The following C10orf143 variants were observed in gnomAD, a reference collection of about 807,000 sequenced individuals.
C10orf143 encodes uncharacterized protein C10orf143.
chr10:130,086,017 A>C (rs1861285850), intron 1 of C10orf143, among the ~76,000 whole-genome samples: 2 of 152,202 alleles, frequency 1.3e-5, no homozygotes, highest in Admixed American at 6.5e-5. Context: ...ATTCCATTTC[A>C]AAGATGTTCT....
intron 1 of C10orf143, among the ~76,000 whole-genome samples, 151 bp from the exon 2 acceptor site, chr10:130,080,052 T>A (rs1021525278): frequency 3.3e-5 from 5 of 152,248 alleles, no homozygotes; most frequent in African/African-American, 1.2e-4. Context: ...TTAAACTTTA[T>A]CTTTTCAGAA....
intron 1 of C10orf143, among the ~76,000 whole-genome samples, chr10:130,092,419 T>A (rs1210465629): frequency 1.3e-5 from 2 of 152,050 alleles, no homozygotes; most frequent in African/African-American, 4.8e-5. Flanking sequence ...GAGGGAAGCA[T>A]TAAATATGGA....
chr10:130,095,803 T>C (rs1861453167), intron 1 of C10orf143, among the ~76,000 whole-genome samples: 2 of 152,158 alleles, frequency 1.3e-5, no homozygotes, highest in African/African-American at 4.8e-5. Context: ...CAAGATGGAT[T>C]AAAGACTTAA....
In C10orf143 at chr10:130,080,179, C is replaced by A. The variant is rs184489815; in HGVS notation, c.70-278G>T. 3.7e-3 allele frequency among the ~76,000 whole-genome samples: 567 copies of A among 152,272 alleles called. 1 individual carries two copies. Among genetic ancestry groups the A allele is most frequent in the Middle Eastern group, 6.8e-3 (2 of 294 alleles). ...TTTTGGCTGAAACTCTTGTAATAAA[C>A]TATGGTGACTGGTTTATTGATATTG... On this transcript the variant is annotated intron_variant, in intron 1 of 3. Coordinates refer to ENST00000637128, the MANE Select transcript of C10orf143 (RefSeq NM_001355042.2).
At chr10:130,060,821 TCAAAAAA>T (rs1860849255), downstream of C10orf143, among the ~76,000 whole-genome samples, 2 of 22,670 alleles carry the variant, frequency 8.8e-5, no homozygotes, top group African/African-American at 3.8e-4. Flanking sequence ...AGACTCCGTC[TCAAAAAA>T]AAAAAAAAAA....
chr10:130,096,127 G>A (rs1861457790), intron 1 of C10orf143, among the ~76,000 whole-genome samples: 3 of 152,088 alleles, frequency 2.0e-5, no homozygotes, highest in Admixed American at 1.3e-4. Context: ...TCAGAAAGTG[G>A]GTAAAGGACA....
rs572085434 is a variant in C10orf143 at position 130,085,795 on chromosome 10, AT to A, written c.70-5895del. The stretch of plus-strand genomic sequence containing the variant: ...ACAAGTTTTTTAAAATGAAAAAAAA[AT>A]ATCTTGCATCCCTAATGTGAGAGAA... On this transcript the variant is annotated intron_variant, in intron 1 of 3. Transcript: ENST00000637128. Among the ~76,000 whole-genome samples, 162 of 151,956 alleles carry A rather than the reference AT, an allele frequency of 1.1e-3. 2 individuals are homozygous for A. Among genetic ancestry groups the A allele is most frequent in the East Asian group, 2.5e-3 (13 of 5,172 alleles).
chr10:130,054,824 G>T (rs1409332808), intron 3 of C10orf143, among the ~76,000 whole-genome samples: 1 of 152,074 alleles, frequency 6.6e-6, no homozygotes, highest in African/African-American at 2.4e-5. Context: ...ATATTACAAA[G>T]CTACAGTAAT....
intron 3 of C10orf143, among the ~76,000 whole-genome samples, chr10:130,055,952 TAAAAAAAAAAAAA>T (rs369284797): frequency 1.5e-5 from 1 of 65,860 alleles, no homozygotes; most frequent in South Asian, 8.0e-4. Context: ...TCTCCAAAAG[TAAAAAAAAAAAAA>T]AAAAAAAAAA....
intron 3 of C10orf143, among the ~76,000 whole-genome samples, chr10:130,045,929 C>G (rs12267738): frequency 6.6e-6 from 1 of 151,764 alleles, no homozygotes; most frequent in Non-Finnish European, 1.5e-5. Context: ...AGCCACCTTC[C>G]GAGTACGCGA....
At chr10:130,089,015 C>T (rs555262661) in intron 1 of C10orf143, among the ~76,000 whole-genome samples, 8 of 152,238 alleles carry the variant, frequency 5.3e-5, no homozygotes, top group South Asian at 2.1e-4. Context: ...CTACTATGCT[C>T]GAGCTTTCAG....
At chr10:130,104,316 A>C (rs1185701270) in intron 1 of C10orf143, 1 of 152,280 alleles carries the variant, frequency 6.6e-6, no homozygotes, top group Non-Finnish European at 1.5e-5. Flanking sequence ...AAGGAAATGC[A>C]CAGTGATAAG....
rs927393669 is a variant in C10orf143, at chr10:130,065,323, C to T, written c.298-940G>A. ...GCTACAGGAGCCAGGGAAGACAGCA[C>T]GTGACCCTACCTGGTGAGGGGCCTG... On this transcript the variant is annotated intron_variant, in intron 3 of 3. Coordinates refer to ENST00000637128, the MANE Select transcript of C10orf143 (RefSeq NM_001355042.2). This position sits in a 1 kb window ranked among gnomAD's most constrained non-coding sequence, Gnocchi z 4.2. 5.9e-5 allele frequency: 9 copies of T among 152,174 alleles called. No individual in the cohort carries two copies. The highest frequency in any genetic ancestry group is 4.6e-4 in the Admixed American group (7 of 15,268). The allele number at this position is 152,174 out of a possible 1,614,324, so 9.4% of individuals were successfully genotyped here. A position where few individuals can be genotyped will look rare whatever the true frequency, so the allele number is the denominator to read the frequency against.
At chr10:130,090,974 G>A (rs540501173) in intron 1 of C10orf143, among the ~76,000 whole-genome samples, 3 of 152,288 alleles carry the variant, frequency 2.0e-5, no homozygotes, top group Middle Eastern at 3.4e-3. Context: ...TAGGAGAAGG[G>A]GCAACTGTGG....
chr10:130,097,596 C>G (rs1019319393), intron 1 of C10orf143, among the ~76,000 whole-genome samples: 2 of 152,098 alleles, frequency 1.3e-5, no homozygotes, highest in African/African-American at 4.8e-5. Context: ...CCTAAGTATC[C>G]ATCTAAGAGA....
intron 1 of C10orf143, among the ~76,000 whole-genome samples, chr10:130,086,906 A>T (rs1393721091): frequency 6.6e-6 from 1 of 152,230 alleles, no homozygotes; most frequent in African/African-American, 2.4e-5. Flanking sequence ...CATTAAGGTC[A>T]GCAGACTTGT....
At chr10:130,049,541 G>A (rs919480277) in intron 3 of C10orf143, among the ~76,000 whole-genome samples, 4 of 152,200 alleles carry the variant, frequency 2.6e-5, no homozygotes, top group Admixed American at 2.6e-4. Flanking sequence ...AGATGCTTGA[G>A]TACCCTTTGG....
At chr10:130,088,172 C>T (rs1315204589) in intron 1 of C10orf143, among the ~76,000 whole-genome samples, 1 of 152,186 alleles carries the variant, frequency 6.6e-6, no homozygotes, top group Non-Finnish European at 1.5e-5. Context: ...CACCTGAGAT[C>T]AGGAGTTCGA....
intron 1 of C10orf143, chr10:130,103,941 GT>G (rs1163890413): frequency 6.6e-6 from 1 of 152,142 alleles, no homozygotes; most frequent in Non-Finnish European, 1.5e-5. Flanking sequence ...AAGAAACCTG[GT>G]CTTCAGTGAG....
Sources: allele counts gnomAD v4.1 joint callset (sites outside exome capture counted in the v4.1 genomes callset), GRCh38; gene constraint gnomAD v4.1.1; non-coding constraint Gnocchi (gnomAD v3.1); transcripts MANE v1.5; gene names NCBI Gene and HGNC (gene_info 2026-07-23, HGNC 2026-07-21).